Variants in FOXP1 observed in about 807,000 individuals in gnomAD.
FOXP1 encodes the protein forkhead box P1, also known as forkhead box protein P1.
In FOXP1, 15 loss-of-function variants were observed where a neutral mutation model predicts 98.2. The ratio of observed to expected loss-of-function variants is 0.15; its 90% CI spans 0.10 to 0.24. The LOEUF is 0.24. FOXP1 is among the 10% of genes least tolerant of loss of function. The probability of loss-of-function intolerance (pLI) is 1.00; values close to 1 mark genes in which losing one functional copy is unlikely to be tolerated. For missense variants in FOXP1, 633 were observed against 848.5 expected (o/e 0.75, Z 3.15); for synonymous variants, 371 against 314.5 (o/e 1.18, Z -1.90).
At chr3:71,073,312 T>C (rs1172012941) in intron 7 of FOXP1, among the ~76,000 whole-genome samples, 1 of 152,216 alleles carries the variant, frequency 6.6e-6, no homozygotes, top group African/African-American at 2.4e-5. Context: ...TTCTTCCCTC[T>C]AACTTTGTTC....
At chr3:71,518,806 T>C (rs1428230590) in intron 2 of FOXP1, among the ~76,000 whole-genome samples, 1 of 152,238 alleles carries the variant, frequency 6.6e-6, no homozygotes, top group African/African-American at 2.4e-5. Flanking sequence ...CCTCCATTAC[T>C]CTGTGACCTT....
At chr3:71,355,492 G>A (rs569485995) in intron 4 of FOXP1, among the ~76,000 whole-genome samples, 1 of 152,338 alleles carries the variant, frequency 6.6e-6, no homozygotes, top group East Asian at 1.9e-4. Context: ...ACTAAGGGAT[G>A]AGAAGGAGTG....
intron 4 of FOXP1, among the ~76,000 whole-genome samples, chr3:71,317,399 G>A (rs1208888255): frequency 2.6e-5 from 4 of 152,058 alleles, no homozygotes; most frequent in African/African-American, 4.8e-5. Flanking sequence ...ATGGGAATTC[G>A]CACAGGCGGG....
chr3:71,126,189 G>C (rs923449500), intron 6 of FOXP1, among the ~76,000 whole-genome samples: 1 of 152,140 alleles, frequency 6.6e-6, no homozygotes, highest in African/African-American at 2.4e-5. Context: ...ATATGATTAA[G>C]AAAAGAAATT....
chr3:71,502,465 G>T (rs2041468589), intron 2 of FOXP1, among the ~76,000 whole-genome samples: 1 of 152,164 alleles, frequency 6.6e-6, no homozygotes, highest in African/African-American at 2.4e-5. Flanking sequence ...GAGCTTTTTT[G>T]ATAGCTAGCA....
At chr3:71,218,519 G>A (rs1170688602) in intron 5 of FOXP1, among the ~76,000 whole-genome samples, 1 of 151,976 alleles carries the variant, frequency 6.6e-6, no homozygotes, top group Non-Finnish European at 1.5e-5. Flanking sequence ...CTTCAATATT[G>A]CATCTTGTCT....
intron 6 of FOXP1, among the ~76,000 whole-genome samples, chr3:71,175,560 C>T (rs2108246011): frequency 6.6e-6 from 1 of 152,276 alleles, no homozygotes; most frequent in African/African-American, 2.4e-5. Flanking sequence ...AAAAATGATC[C>T]TCTGTAGCCT....
intron 7 of FOXP1, among the ~76,000 whole-genome samples, chr3:71,079,890 G>A (rs2054227471): frequency 6.6e-6 from 1 of 152,202 alleles, no homozygotes; most frequent in South Asian, 2.1e-4. Flanking sequence ...TTTTATAGAT[G>A]AGAAAACTGA....
chr3:70,972,736 A>T, intron 17 of FOXP1, 60 bp from the exon 18 acceptor site: 1 of 1,571,478 alleles, frequency 6.4e-7, no homozygotes, highest in Non-Finnish European at 8.7e-7. Flanking sequence ...CTCCAAAAAC[A>T]GCAGTAAATT....
chr3:71,176,164 A>G (rs1339113042), intron 6 of FOXP1, among the ~76,000 whole-genome samples: 1 of 152,198 alleles, frequency 6.6e-6, no homozygotes, highest in Non-Finnish European at 1.5e-5. Context: ...TCCTAAGAAA[A>G]CACAGAAGGT....
chr3:71,182,298 C>G (rs957578327), intron 6 of FOXP1, among the ~76,000 whole-genome samples: 4 of 152,008 alleles, frequency 2.6e-5, no homozygotes, highest in African/African-American at 9.7e-5. Context: ...AAATTGTATT[C>G]CCTTATTCCT....
chr3:71,082,650 A>G (rs2054577831), intron 7 of FOXP1, among the ~76,000 whole-genome samples: 1 of 151,792 alleles, frequency 6.6e-6, no homozygotes, highest in African/African-American at 2.4e-5. Flanking sequence ...GAAAACAACA[A>G]CAACAAAAAA....
At position 70,957,188 on chromosome 3, in the gene FOXP1, T is replaced by C. The variant is rs1252258916; in HGVS notation, c.*2059A>G. 10 of 224,066 alleles carry C rather than the reference T, an allele frequency of 4.5e-5. No homozygotes were observed. The highest frequency in any genetic ancestry group is 4.5e-5 in the Non-Finnish European group (5 of 112,224). The allele number at this position is 224,066 out of a possible 1,614,324, so 13.9% of individuals were successfully genotyped here. A position where few individuals can be genotyped will look rare whatever the true frequency, so the allele number is the denominator to read the frequency against. On this transcript the variant is annotated 3_prime_UTR_variant, in exon 21 of 21. Coordinates refer to ENST00000649528, the MANE Select transcript of FOXP1 (RefSeq NM_001349338.3). The stretch of plus-strand genomic sequence containing the variant: ...TTGAGATGGGACTCCCTTCCTTCTG[T>C]AGCTCCTTTAATATTGTGTCCTATT...
rs564295068 is a variant in FOXP1 at position 70,965,419 on chromosome 3, C to T, written c.1889+471G>A. ...TTTAAGAGCAATCTATAAATCATGC[C>T]GCCTTTCATTTGTGCCATCATTAAT... is the stretch of plus-strand genomic sequence containing the variant. On this transcript the variant is annotated intron_variant, in intron 20 of 20. Coordinates refer to ENST00000649528, the MANE Select transcript of FOXP1 (RefSeq NM_001349338.3). Among the ~76,000 whole-genome samples the T allele has an allele frequency of 8.5e-5, 13 of 152,268 alleles. No homozygotes were observed. In the East Asian group the frequency reaches 9.6e-4, roughly 11 times the overall value.
intron 2 of FOXP1, among the ~76,000 whole-genome samples, chr3:71,530,646 A>G (rs2043765128): frequency 6.6e-6 from 1 of 152,238 alleles, no homozygotes; most frequent in Admixed American, 6.5e-5. Flanking sequence ...CATTTCTCAC[A>G]AAATCAGTAA....
At chr3:71,371,084 C>T (rs929530177) in intron 3 of FOXP1, among the ~76,000 whole-genome samples, 1 of 152,030 alleles carries the variant, frequency 6.6e-6, no homozygotes. Context: ...CGCCTGGCCC[C>T]CAACCCCAGA....
intron 1 of FOXP1, chr3:71,582,611 G>A: frequency 2.0e-6 from 2 of 985,466 alleles, no homozygotes; most frequent in Non-Finnish European, 2.4e-6. Flanking sequence ...AAGCTTCAGA[G>A]GGGGGTAAAA....
At chr3:70,995,507 C>A (rs2041239050) in intron 13 of FOXP1, among the ~76,000 whole-genome samples, 1 of 152,186 alleles carries the variant, frequency 6.6e-6, no homozygotes, top group African/African-American at 2.4e-5. Context: ...AATCTTACTG[C>A]ATTCCCTGAT....
At chr3:71,532,388 C>T (rs755570612) in intron 2 of FOXP1, among the ~76,000 whole-genome samples, 1 of 152,180 alleles carries the variant, frequency 6.6e-6, no homozygotes, top group Middle Eastern at 3.2e-3. Flanking sequence ...TGAGCCACCA[C>T]GGCCGGCACA....
Sources: gnomAD v4.1 joint callset for allele counts (sites outside exome capture counted in the v4.1 genomes callset) on GRCh38, gnomAD v4.1.1 for gene constraint, MANE v1.5 for transcripts, NCBI Gene and HGNC (gene_info 2026-07-23, HGNC 2026-07-21) for gene names.